The following WDFY2 variants were observed in gnomAD, a reference collection of about 807,000 sequenced individuals.
The protein encoded by WDFY2 is WD repeat and FYVE domain containing 2, also known as WD repeat and FYVE domain-containing protein 2.
A neutral mutation model predicts 56.4 loss-of-function variants in WDFY2; 36 were observed. That is an observed-to-expected ratio of 0.64 (90% confidence interval 0.49 to 0.84). The LOEUF is 0.84. Among genes scored for constraint, WDFY2 ranks in the 40% least tolerant of loss-of-function variants. WDFY2 has a pLI of 0.00. For synonymous variants in WDFY2, 176 were observed against 183.7 expected (o/e 0.96, Z 0.34); for missense variants, 444 against 512.2 (o/e 0.87, Z 1.29).
At chr13:51,727,638 A>G (rs781251053) in intron 5 of WDFY2, 40 bp from the exon 6 acceptor site, 2 of 1,585,318 alleles carry the variant, frequency 1.3e-6, no homozygotes, top group Non-Finnish European at 1.7e-6. Context: ...AAATTCCCTC[A>G]TTTAATTTTG....
intron 4 of WDFY2, among the ~76,000 whole-genome samples, chr13:51,717,337 A>G (rs1952377485): frequency 6.6e-6 from 1 of 152,090 alleles, no homozygotes; most frequent in South Asian, 2.1e-4. Context: ...GTAGCCTGAC[A>G]CTGAGAGAGA....
chr13:51,695,002 G>A (rs552660681), intron 3 of WDFY2, among the ~76,000 whole-genome samples: 3,592 of 152,096 alleles, frequency 0.024, 55 homozygotes, highest in East Asian at 0.061. Context: ...CATTCTTCAC[G>A]TAGTTCTCAA....
intron 5 of WDFY2, 87 bp from the exon 6 acceptor site, chr13:51,727,591 T>C (rs1170746265): frequency 7.2e-6 from 9 of 1,257,548 alleles, no homozygotes; most frequent in African/African-American, 1.5e-5. Flanking sequence ...GGGATTTGCG[T>C]ATTTCTTGTT....
At chr13:51,693,130 C>A (rs1390513428) in intron 3 of WDFY2, among the ~76,000 whole-genome samples, 1 of 151,738 alleles carries the variant, frequency 6.6e-6, no homozygotes, top group Non-Finnish European at 1.5e-5. Flanking sequence ...TTTTGTTGAT[C>A]CTTTCAAAAA....
chr13:51,740,571 G>A (rs894401737), intron 7 of WDFY2, among the ~76,000 whole-genome samples: 6 of 152,208 alleles, frequency 3.9e-5, no homozygotes, highest in Middle Eastern at 6.8e-3. Flanking sequence ...AAAAGTAGCC[G>A]AGCATAGTGG....
intron 1 of WDFY2, among the ~76,000 whole-genome samples, chr13:51,650,363 G>A (rs1373252262): frequency 6.6e-6 from 1 of 152,166 alleles, no homozygotes; most frequent in Non-Finnish European, 1.5e-5. Flanking sequence ...TCTGCAAACA[G>A]GGACAGTTTA....
At chr13:51,704,320 C>A (rs964420050) in intron 4 of WDFY2, among the ~76,000 whole-genome samples, 1 of 152,130 alleles carries the variant, frequency 6.6e-6, no homozygotes, top group African/African-American at 2.4e-5. Flanking sequence ...AAATTTATTT[C>A]TCTTTATTCT....
At chr13:51,626,780 G>T (rs543327291) in intron 1 of WDFY2, among the ~76,000 whole-genome samples, 1 of 152,194 alleles carries the variant, frequency 6.6e-6, no homozygotes, top group Non-Finnish European at 1.5e-5. Context: ...TAGAAGTCAC[G>T]GGATCCTTGG....
chr13:51,691,478 C>T (rs879907574), intron 3 of WDFY2, among the ~76,000 whole-genome samples: 4 of 150,384 alleles, frequency 2.7e-5, no homozygotes, highest in African/African-American at 7.4e-5. Context: ...GCTTGTTTTT[C>T]TCAGGTTTGT....
At chr13:51,718,717 C>T (rs1359968075) in intron 4 of WDFY2, among the ~76,000 whole-genome samples, 2 of 152,146 alleles carry the variant, frequency 1.3e-5, no homozygotes, top group African/African-American at 4.8e-5. Flanking sequence ...TTTTGTATGG[C>T]TTTATAAGAC....
At chr13:51,670,696 TTC>T (rs1196201937) in intron 2 of WDFY2, among the ~76,000 whole-genome samples, 1 of 152,144 alleles carries the variant, frequency 6.6e-6, no homozygotes, top group Non-Finnish European at 1.5e-5. Context: ...CTGTTCAGAT[TTC>T]TTTTGTTTAT....
chr13:51,762,521 T>C lies in WDFY2; in HGVS notation c.*2752T>C, dbSNP rs1953617399. ...ATGCGTTTAGCAAACCAACTGTGTG[T>C]TTGTAATACTGTGAATTCTTGCGTT... On this transcript the variant is annotated 3_prime_UTR_variant, in exon 12 of 12. Transcript: ENST00000298125. The C allele has an allele frequency of 1.3e-5, 2 of 152,244 alleles. No homozygotes were observed. The highest frequency in any genetic ancestry group is 1.3e-4 in the Admixed American group (2 of 15,290). The allele number at this position is 152,244 out of a possible 1,614,324, so 9.4% of individuals were successfully genotyped here.
chr13:51,584,675 G>T lies in WDFY2; in HGVS notation c.-13G>T, dbSNP rs551440184. On this transcript the variant is annotated 5_prime_UTR_variant, in exon 1 of 12. Coordinates refer to ENST00000298125, the MANE Select transcript of WDFY2 (RefSeq NM_052950.4). The stretch of plus-strand genomic sequence containing the variant: ...CGGTTGGCGGCGGCGCCCCAGGCGC[G>T]CCCCCTCCTCCGATGGCGGCGGAGA... 1.2e-6 allele frequency: 2 copies of T among 1,606,794 alleles called. No homozygotes were observed. The highest frequency in any genetic ancestry group is 2.2e-5 in the East Asian group (1 of 44,702).
chr13:51,723,301 C>T (rs573855403), intron 5 of WDFY2, among the ~76,000 whole-genome samples: 1 of 152,170 alleles, frequency 6.6e-6, no homozygotes. Context: ...AACAATCACT[C>T]TTTGATCTCC....
intron 1 of WDFY2, among the ~76,000 whole-genome samples, chr13:51,656,725 A>G (rs1955515501): frequency 6.6e-6 from 1 of 152,006 alleles, no homozygotes; most frequent in African/African-American, 2.4e-5. Flanking sequence ...CCTTTTGTCA[A>G]TACATAGTGT....
chr13:51,625,356 A>G (rs1215602104), intron 1 of WDFY2, among the ~76,000 whole-genome samples: 1 of 152,148 alleles, frequency 6.6e-6, no homozygotes, highest in Non-Finnish European at 1.5e-5. Flanking sequence ...TGTGCCCAGC[A>G]TTTGTGTGTG....
At chr13:51,589,795 T>G (rs939186064) in intron 1 of WDFY2, 4 of 152,162 alleles carry the variant, frequency 2.6e-5, no homozygotes, top group African/African-American at 9.7e-5. Flanking sequence ...TAATACACTT[T>G]CCACTGCGCA....
intron 4 of WDFY2, among the ~76,000 whole-genome samples, chr13:51,716,566 G>A (rs1370533618): frequency 2.0e-5 from 3 of 149,670 alleles, no homozygotes; most frequent in Admixed American, 6.6e-5. Context: ...AGTGGCGGGC[G>A]CCTGTAGTCC....
intron 3 of WDFY2, among the ~76,000 whole-genome samples, chr13:51,694,215 A>G (rs1203684961): frequency 6.6e-6 from 1 of 152,122 alleles, no homozygotes; most frequent in African/African-American, 2.4e-5. Context: ...TGTGAATTTG[A>G]TCCTGTCATT....
Sources: allele counts gnomAD v4.1 joint callset (sites outside exome capture counted in the v4.1 genomes callset), GRCh38; gene constraint gnomAD v4.1.1; transcripts MANE v1.5; gene names NCBI Gene and HGNC (gene_info 2026-07-23, HGNC 2026-07-21).